PPP2R2B: variants seen among roughly 807,000 people sequenced by gnomAD.
The protein encoded by PPP2R2B is serine/threonine-protein phosphatase 2A 55 kDa regulatory subunit B beta isoform.
A neutral mutation model predicts 46.0 loss-of-function variants in PPP2R2B; 5 were observed. The observed-to-expected ratio is 0.11, with a 90% CI of 0.06 to 0.23. PPP2R2B has a LOEUF of 0.23. Ranked by LOEUF, PPP2R2B falls within the 10% of genes least tolerant of loss-of-function variation. The pLI, the probability that PPP2R2B is intolerant of heterozygous loss-of-function variation, is 1.00. For synonymous variants in PPP2R2B, 215 were observed against 206.7 expected (o/e 1.04, Z -0.34); for missense variants, 367 against 575.0 (o/e 0.64, Z 3.70).
intron 2 of PPP2R2B, among the ~76,000 whole-genome samples, chr5:146,839,583 G>C (rs1051636926): frequency 6.6e-6 from 1 of 152,110 alleles, no homozygotes; most frequent in Non-Finnish European, 1.5e-5. Flanking sequence ...GTGTCATCTG[G>C]GAGGTAAGTA....
At chr5:146,657,635 A>G (rs1349787546) in intron 5 of PPP2R2B, among the ~76,000 whole-genome samples, 1 of 152,162 alleles carries the variant, frequency 6.6e-6, no homozygotes, top group Non-Finnish European at 1.5e-5. Flanking sequence ...ACCTTAACTT[A>G]TCCTGAATCT....
At chr5:146,877,851 T>C (rs981349087) in intron 2 of PPP2R2B, 151 bp downstream of exon 2, 45 of 870,452 alleles carry the variant, frequency 5.2e-5, no homozygotes, top group Non-Finnish European at 6.5e-5. Context: ...GGATGCGAGG[T>C]GCACTGGGGC....
chr5:146,902,155 C>A (rs1762855256), intron 1 of PPP2R2B, among the ~76,000 whole-genome samples: 1 of 152,164 alleles, frequency 6.6e-6, no homozygotes, highest in South Asian at 2.1e-4. Flanking sequence ...CATCATCTTC[C>A]TTGCCCCCAA....
At chr5:146,639,615 G>T (rs1044027773) in intron 6 of PPP2R2B, among the ~76,000 whole-genome samples, 1 of 152,122 alleles carries the variant, frequency 6.6e-6, no homozygotes, top group Non-Finnish European at 1.5e-5. Flanking sequence ...TGTGGATGCT[G>T]TTACACAGTA....
chr5:146,938,234 A>C (rs1764216520), intron 1 of PPP2R2B, among the ~76,000 whole-genome samples: 1 of 152,222 alleles, frequency 6.6e-6, no homozygotes, highest in South Asian at 2.1e-4. Context: ...TATCTATTGC[A>C]AGATGTACTC....
chr5:146,846,446 G>A (rs940893303), intron 2 of PPP2R2B, among the ~76,000 whole-genome samples: 2 of 151,942 alleles, frequency 1.3e-5, no homozygotes, highest in Non-Finnish European at 1.5e-5. Context: ...TTGGGAGGCC[G>A]AGACGGGTGG....
intron 2 of PPP2R2B, among the ~76,000 whole-genome samples, chr5:146,765,999 A>T (rs574076281): frequency 6.6e-6 from 1 of 152,230 alleles, no homozygotes; most frequent in Non-Finnish European, 1.5e-5. Flanking sequence ...TCTGGTGATT[A>T]AAGAATTAAG....
intron 1 of PPP2R2B, among the ~76,000 whole-genome samples, chr5:146,962,518 G>A (rs183991038): frequency 2.6e-4 from 40 of 152,052 alleles, no homozygotes; most frequent in African/African-American, 9.4e-4. Context: ...GTAGCTGGGC[G>A]TGGTGGCACA....
chr5:146,926,488 T>A (rs940870322), intron 1 of PPP2R2B, among the ~76,000 whole-genome samples: 5 of 151,956 alleles, frequency 3.3e-5, no homozygotes, highest in Non-Finnish European at 5.9e-5. Flanking sequence ...GCCTCTCGGG[T>A]TTATGCCATT....
chr5:146,812,949 A>T (rs1436559393), intron 2 of PPP2R2B, among the ~76,000 whole-genome samples: 2 of 148,412 alleles, frequency 1.3e-5, no homozygotes, highest in East Asian at 4.0e-4. Flanking sequence ...CTCTCACAAC[A>T]GGAGGGAATT....
chr5:146,837,786 G>C (rs1402448422), intron 2 of PPP2R2B, among the ~76,000 whole-genome samples: 1 of 152,172 alleles, frequency 6.6e-6, no homozygotes, highest in Non-Finnish European at 1.5e-5. Flanking sequence ...ACATGCACAA[G>C]ACTCACATAT....
chr5:146,732,830 C>G (rs1239438658), intron 2 of PPP2R2B, among the ~76,000 whole-genome samples: 1 of 152,106 alleles, frequency 6.6e-6, no homozygotes, highest in Non-Finnish European at 1.5e-5. Flanking sequence ...TTGACTCCAC[C>G]TCCATATAGA....
chr5:147,078,072 G>T (rs1405530491), intron 2 of PPP2R2B, among the ~76,000 whole-genome samples: 1 of 152,108 alleles, frequency 6.6e-6, no homozygotes, highest in African/African-American at 2.4e-5. Context: ...AGTGCCTTTG[G>T]CAATGTACTT....
chr5:147,002,100 G>T lies in PPP2R2B; in HGVS notation c.79+53565C>A, dbSNP rs546996041. 2.6e-5 allele frequency among the ~76,000 whole-genome samples: 4 copies of T among 152,238 alleles called. No individual in the cohort carries two copies. In the South Asian group the frequency reaches 8.3e-4, roughly 32 times the overall value. ...CTCTTGCCTCTCTTCTCCGAGGCTAGTCCCGCTTCTAAAAACCACTCCCTG... is the reference window on the plus strand; with the variant it reads ...CTCTTGCCTCTCTTCTCCGAGGCTATTCCCGCTTCTAAAAACCACTCCCTG... On this transcript the variant is annotated intron_variant, in intron 1 of 8. Coordinates refer to the PPP2R2B transcript ENST00000336640.
chr5:146,769,327 A>G (rs1376347308), intron 2 of PPP2R2B, among the ~76,000 whole-genome samples: 2 of 152,216 alleles, frequency 1.3e-5, no homozygotes, highest in African/African-American at 4.8e-5. Context: ...GACCTGCTGA[A>G]TCAGAAACTC....
At chr5:146,905,132 A>G (rs997520487) in intron 1 of PPP2R2B, among the ~76,000 whole-genome samples, 1 of 152,200 alleles carries the variant, frequency 6.6e-6, no homozygotes, top group Non-Finnish European at 1.5e-5. Flanking sequence ...AGAATTGCCA[A>G]GACTAACTAT....
At chr5:147,006,164 A>G (rs1754429842) in intron 1 of PPP2R2B, among the ~76,000 whole-genome samples, 1 of 152,228 alleles carries the variant, frequency 6.6e-6, no homozygotes, top group African/African-American at 2.4e-5. Context: ...AGGGAAAAAG[A>G]CGCAATGGGT....
At chr5:147,016,892 G>A (rs1755032676) in intron 1 of PPP2R2B, among the ~76,000 whole-genome samples, 1 of 151,644 alleles carries the variant, frequency 6.6e-6, no homozygotes, top group Non-Finnish European at 1.5e-5. Flanking sequence ...GTAGGAAAAT[G>A]CAAAGTTGGA....
chr5:146,801,128 C>A (rs1756841477), intron 2 of PPP2R2B, among the ~76,000 whole-genome samples: 1 of 151,800 alleles, frequency 6.6e-6, no homozygotes, highest in Non-Finnish European at 1.5e-5. Flanking sequence ...TCTAAAATAG[C>A]TAAACATAAA....
Sources: allele counts gnomAD v4.1 joint callset (sites outside exome capture counted in the v4.1 genomes callset), GRCh38; gene constraint gnomAD v4.1.1; transcripts MANE v1.5; gene names NCBI Gene and HGNC (gene_info 2026-07-23, HGNC 2026-07-21).